The following SCFD2 variants were observed in gnomAD, a reference collection of about 807,000 sequenced individuals.
The protein encoded by SCFD2 is sec1 family domain-containing protein 2.
SCFD2 carries 54 observed loss-of-function variants against 58.9 expected under a neutral mutation model. The ratio of observed to expected loss-of-function variants is 0.92; its 90% CI spans 0.74 to 1.15. The LOEUF (loss-of-function observed/expected upper bound fraction) is 1.15, where lower values mean the gene tolerates loss of function less well. Among genes scored for constraint, SCFD2 ranks in the 50% most tolerant of loss-of-function variants. SCFD2 has a pLI of 0.00. For missense variants in SCFD2, 805 were observed against 836.6 expected (o/e 0.96, Z 0.47); for synonymous variants, 321 against 335.9 (o/e 0.96, Z 0.49).
chr4:53,119,630 G>C (rs868172067), intron 5 of SCFD2, among the ~76,000 whole-genome samples: 1 of 152,216 alleles, frequency 6.6e-6, no homozygotes, highest in Non-Finnish European at 1.5e-5. Flanking sequence ...AGCATATACT[G>C]TTAGCCCTGT....
intron 2 of SCFD2, among the ~76,000 whole-genome samples, chr4:53,339,254 ATG>A (rs1457314262): frequency 6.6e-6 from 1 of 151,934 alleles, no homozygotes; most frequent in Non-Finnish European, 1.5e-5. Flanking sequence ...ATGGGAGCTA[ATG>A]TTTCTATACT....
intron 5 of SCFD2, among the ~76,000 whole-genome samples, chr4:53,015,353 G>A (rs1722186172): frequency 6.6e-6 from 1 of 152,152 alleles, no homozygotes; most frequent in Non-Finnish European, 1.5e-5. Flanking sequence ...GCACTGTGCT[G>A]TGCATTGAGA....
chr4:53,220,025 A>C (rs1729001563), intron 4 of SCFD2, among the ~76,000 whole-genome samples: 1 of 151,622 alleles, frequency 6.6e-6, no homozygotes, highest in Non-Finnish European at 1.5e-5. Flanking sequence ...TGCTACCTCT[A>C]CCTAAAACTA....
intron 5 of SCFD2, among the ~76,000 whole-genome samples, chr4:53,041,251 C>T (rs1463395385): frequency 6.6e-6 from 1 of 152,128 alleles, no homozygotes; most frequent in African/African-American, 2.4e-5. Flanking sequence ...TCTTATGGTG[C>T]CTCCTACAGT....
intron 4 of SCFD2, among the ~76,000 whole-genome samples, chr4:53,148,750 C>T (rs1430072382): frequency 6.6e-6 from 1 of 152,204 alleles, no homozygotes; most frequent in Non-Finnish European, 1.5e-5. Flanking sequence ...TGGCTCATGC[C>T]TGTAATTCCA....
chr4:53,047,877 T>A (rs1185671670), intron 5 of SCFD2, among the ~76,000 whole-genome samples: 3 of 151,994 alleles, frequency 2.0e-5, no homozygotes, highest in African/African-American at 7.2e-5. Flanking sequence ...TTTGCAGGGG[T>A]GTCTAATTCT....
rs79096705 is a variant in SCFD2 at position 53,233,019 on chromosome 4, T to A, written c.1311+40807A>T. Among the ~76,000 whole-genome samples the A allele has an allele frequency of 9.8e-5, 15 of 152,310 alleles. No individual in the cohort carries two copies. The East Asian group carries it at 2.9e-3, about 29-fold the overall frequency. Reference sequence around the variant, plus strand: ...CTAACCTCTAGCACTCTCGGAATCCTTAAGTCAGAAATACTCTAGGTATTC... The same window carrying A: ...CTAACCTCTAGCACTCTCGGAATCCATAAGTCAGAAATACTCTAGGTATTC... On this transcript the variant is annotated intron_variant, in intron 4 of 8. Coordinates refer to ENST00000401642, the MANE Select transcript of SCFD2 (RefSeq NM_152540.4).
intron 2 of SCFD2, among the ~76,000 whole-genome samples, chr4:53,346,989 A>G (rs1283214482): frequency 6.6e-6 from 1 of 152,202 alleles, no homozygotes; most frequent in Non-Finnish European, 1.5e-5. Context: ...GTAGTAAGAC[A>G]TCTCCCTCCT....
At chr4:53,119,916 A>G (rs1725431676) in intron 5 of SCFD2, among the ~76,000 whole-genome samples, 1 of 152,142 alleles carries the variant, frequency 6.6e-6, no homozygotes, top group South Asian at 2.1e-4. Context: ...GGATTTTTAT[A>G]GAAAAGTAAT....
intron 4 of SCFD2, among the ~76,000 whole-genome samples, chr4:53,223,090 A>C (rs935228120): frequency 6.6e-6 from 1 of 152,198 alleles, no homozygotes; most frequent in Non-Finnish European, 1.5e-5. Flanking sequence ...ATGATGGACA[A>C]ATGTTCAGTT....
chr4:53,060,568 A>G (rs1398224766), intron 5 of SCFD2, among the ~76,000 whole-genome samples: 2 of 152,126 alleles, frequency 1.3e-5, no homozygotes, highest in Non-Finnish European at 2.9e-5. Flanking sequence ...TCATTTTCTC[A>G]TAAGTACATA....
chr4:53,366,051 G>A lies in SCFD2; in HGVS notation c.-110C>T, dbSNP rs1734698728. 11 of 1,322,220 alleles carry A rather than the reference G, an allele frequency of 8.3e-6. No homozygotes were observed. In the Admixed American group the frequency reaches 2.2e-4, roughly 26 times the overall value. The allele number at this position is 1,322,220 out of a possible 1,614,324, so 81.9% of individuals were successfully genotyped here. ...CTTTGACAGTCTCCACAGTACACGTGGTCGGCCTCTGACACGCTCCCTGAT... is the reference window on the plus strand; with the variant it reads ...CTTTGACAGTCTCCACAGTACACGTAGTCGGCCTCTGACACGCTCCCTGAT... On this transcript the variant is annotated 5_prime_UTR_variant, in exon 1 of 9. Transcript: ENST00000401642.
chr4:53,365,724 G>C lies in SCFD2; in HGVS notation c.218C>G (p.Ala73Gly). The C allele has an allele frequency of 6.2e-7, 1 of 1,614,138 alleles. No homozygotes were observed. Among genetic ancestry groups the C allele is most frequent in the Non-Finnish European group, 8.5e-7 (1 of 1,180,016 alleles). ...CAGCAGGCAGCTCAGCACAAACACT[G>C]CCTTGGGCTGCTTGGCTCCACCACC... ...AIGGGAKQPK[A>G]VFVLSCLLKG... is the part of the protein sequence containing the mutation. Residue 73 changes from alanine to glycine, a missense_variant, in exon 1 of 9, where the codon GCA (alanine) becomes GGA (glycine). Around this residue, in one of 3 missense-constraint regions of SCFD2, gnomAD observed 155 missense variants for 149.7 expected, o/e 1.04. Transcript: ENST00000401642. This position sits in a 1 kb window ranked among gnomAD's most constrained non-coding sequence, Gnocchi z 4.3.
intron 4 of SCFD2, among the ~76,000 whole-genome samples, chr4:53,270,515 A>G (rs1731129803): frequency 6.6e-6 from 1 of 152,224 alleles, no homozygotes; most frequent in African/African-American, 2.4e-5. Context: ...TCAATGCACT[A>G]TGAAAGACAC....
intron 5 of SCFD2, among the ~76,000 whole-genome samples, chr4:53,092,306 T>A (rs932658256): frequency 6.6e-6 from 1 of 152,080 alleles, no homozygotes; most frequent in Non-Finnish European, 1.5e-5. Context: ...AAGAAAAAAA[T>A]TTTAGGTCTA....
intron 3 of SCFD2, among the ~76,000 whole-genome samples, chr4:53,278,822 T>C (rs1176369178): frequency 3.3e-5 from 5 of 151,422 alleles, no homozygotes; most frequent in Admixed American, 6.6e-5. Flanking sequence ...GATTTTTTTT[T>C]CCTAAAAATC....
At chr4:53,277,786 C>T (rs1167339948) in intron 3 of SCFD2, among the ~76,000 whole-genome samples, 1 of 152,230 alleles carries the variant, frequency 6.6e-6, no homozygotes, top group Non-Finnish European at 1.5e-5. Flanking sequence ...GGCGCGGTGG[C>T]TCACGCCTGT....
intron 5 of SCFD2, among the ~76,000 whole-genome samples, chr4:53,071,835 CA>C (rs772317814): frequency 6.6e-6 from 1 of 152,048 alleles, no homozygotes; most frequent in Non-Finnish European, 1.5e-5. Context: ...GATTTTATTC[CA>C]TATAACTAGA....
rs59321045 is a variant in SCFD2, at chr4:53,258,538, G to GTATATATATATATATATA, written c.1311+15270_1311+15287dup. On this transcript the variant is annotated intron_variant, in intron 4 of 8. Transcript: ENST00000401642. The stretch of plus-strand genomic sequence containing the variant: ...CTAAGTCGTATTCCATGGTGTGTGT[G>GTATATATATATATATATA]TATATATATATATATATATATATAT... 1.5e-3 allele frequency among the ~76,000 whole-genome samples: 174 copies of GTATATATATATATATATA among 119,806 alleles called. 1 individual carries two copies. Among genetic ancestry groups the GTATATATATATATATATA allele is most frequent in the Non-Finnish European group, 2.1e-3 (122 of 58,706 alleles). The allele number at this position is 119,806 out of a possible 152,430, so 78.6% of individuals were successfully genotyped here.
Sources: allele counts gnomAD v4.1 joint callset (sites outside exome capture counted in the v4.1 genomes callset), GRCh38; gene constraint gnomAD v4.1.1; regional missense constraint gnomAD v4.1.1; non-coding constraint Gnocchi (gnomAD v3.1); transcripts MANE v1.5; gene names NCBI Gene and HGNC (gene_info 2026-07-23, HGNC 2026-07-21).